C15orf40: variants seen among roughly 807,000 people sequenced by gnomAD.
The protein encoded by C15orf40 is chromosome 15 open reading frame 40, also known as UPF0235 protein C15orf40.
In C15orf40, 9 loss-of-function variants were observed where a neutral mutation model predicts 13.9. The observed-to-expected ratio is 0.65, with a 90% CI of 0.39 to 1.13. The LOEUF is 1.13. Among genes scored for constraint, C15orf40 ranks in the 50% most tolerant of loss-of-function variants. The pLI is 0.01. For missense variants in C15orf40, 225 were observed against 188.5 expected (o/e 1.19, Z -1.13); for synonymous variants, 95 against 69.2 (o/e 1.37, Z -1.85).
chr15:82,990,654 A>G (rs747046285), downstream of C15orf40: 529 of 1,530,510 alleles, frequency 3.5e-4, 1 homozygote, highest in South Asian at 4.3e-4. Flanking sequence ...TCAGTAATAA[A>G]GCTGTAAAAT....
At position 83,005,665 on chromosome 15, in the gene C15orf40, T is replaced by G; in HGVS notation, c.394A>C (p.Lys132Gln). The G allele has an allele frequency of 6.2e-7, 1 of 1,612,804 alleles. No individual in the cohort carries two copies. Among genetic ancestry groups the G allele is most frequent in the Non-Finnish European group, 8.5e-7 (1 of 1,179,452 alleles). The change falls in exon 4 of 4, where the codon AAG becomes CAG. Residue 132 changes from lysine to glutamine, a missense_variant. By Grantham distance (53) the Lys-to-Gln change is moderately conservative (BLOSUM62 1). Coordinates refer to ENST00000304177, the MANE Select transcript of C15orf40 (RefSeq NM_144597.3). ...KGGKSREKVV[K>Q]LLASTTPEEI... Reference sequence around the variant, plus strand: ...TCTGGAGTTGTAGAAGCCAAAAGCTTCACCACCTTTTCACGAGATTTACCA... The same window carrying G: ...TCTGGAGTTGTAGAAGCCAAAAGCTGCACCACCTTTTCACGAGATTTACCA...
rs1373849292 is a variant in C15orf40, at chr15:83,000,885, T to G, written c.*4712A>C. ...TGGAATGCAGTGGCATGATCTTGGC[T>G]CACTGCAACCTCTGCCTCCTGGGTT... On this transcript the variant is annotated 3_prime_UTR_variant, in exon 4 of 4. Transcript: ENST00000304177. 6.5e-6 allele frequency: 1 copy of G among 153,946 alleles called. No homozygotes were observed. The highest frequency in any genetic ancestry group is 1.4e-5 in the Non-Finnish European group (1 of 69,608). The allele number at this position is 153,946 out of a possible 1,614,324, so 9.5% of individuals were successfully genotyped here. A position where few individuals can be genotyped will look rare whatever the true frequency, so the allele number is the denominator to read the frequency against.
chr15:83,004,749 T>C lies in C15orf40; in HGVS notation c.*848A>G, dbSNP rs954816833. ...ATGTAAAAAAAAAATTTTTTTTACATTTAAATAAGCATTTAAAAATCTAAG... is the reference window on the plus strand; with the variant it reads ...ATGTAAAAAAAAAATTTTTTTTACACTTAAATAAGCATTTAAAAATCTAAG... On this transcript the variant is annotated 3_prime_UTR_variant, in exon 4 of 4. Transcript: ENST00000304177. The C allele has an allele frequency of 1.8e-5, 18 of 1,017,634 alleles. No homozygotes were observed. Among genetic ancestry groups the C allele is most frequent in the African/African-American group, 1.7e-5 (1 of 58,200 alleles). 63.0% of individuals were successfully genotyped at this position (1,017,634 alleles called of 1,614,324 possible).
At position 83,002,982 on chromosome 15, in the gene C15orf40, T is replaced by C. The variant is rs1367191545; in HGVS notation, c.*2615A>G. The stretch of plus-strand genomic sequence containing the variant: ...ATCTGCCACTATGCCCAGGTAACTT[T>C]TGTATTTTTAGTAGAGACGGGGTTT... On this transcript the variant is annotated 3_prime_UTR_variant, in exon 4 of 4. Coordinates refer to ENST00000304177, the MANE Select transcript of C15orf40 (RefSeq NM_144597.3). The C allele has an allele frequency of 6.6e-6, 1 of 151,972 alleles. No homozygotes were observed. Among genetic ancestry groups the C allele is most frequent in the Non-Finnish European group, 1.5e-5 (1 of 68,020 alleles). 9.4% of individuals were successfully genotyped at this position (151,972 alleles called of 1,614,324 possible).
chr15:83,003,121 C>CTT lies in C15orf40; in HGVS notation c.*2474_*2475dup, dbSNP rs781626119. 891 of 114,468 alleles carry CTT rather than the reference C, an allele frequency of 7.8e-3. 17 individuals are homozygous for CTT. The highest frequency in any genetic ancestry group is 0.017 in the African/African-American group (496 of 29,542). The allele number at this position is 114,468 out of a possible 1,614,324, so 7.1% of individuals were successfully genotyped here. A position where few individuals can be genotyped will look rare whatever the true frequency, so the allele number is the denominator to read the frequency against. On this transcript the variant is annotated 3_prime_UTR_variant, in exon 4 of 4. Transcript: ENST00000304177. ...CAACACGCCTGACCAAAAGTTGATC[C>CTT]TTTTTTTTTTTTTTTTTTTTTGAGA... is the stretch of plus-strand genomic sequence containing the variant.
chr15:83,011,298 G>T (rs377167732), intron 1 of C15orf40, 199 bp downstream of exon 1: 2 of 521,828 alleles, frequency 3.8e-6, no homozygotes, highest in Admixed American at 4.2e-5. Flanking sequence ...CCAGGTGGAC[G>T]GCAGCGCAGC....
Position 83,005,196 on chromosome 15 carries a change from C to T in C15orf40, c.*401G>A, listed in dbSNP as rs2031608703. On this transcript the variant is annotated 3_prime_UTR_variant, in exon 4 of 4. Transcript: ENST00000304177. ...GAATATATACATATATATATGTCCC[C>T]CATGTTCTTCTGTGCATGTAGTATA... 9.7e-7 allele frequency: 1 copy of T among 1,026,806 alleles called. No individual in the cohort carries two copies. Among genetic ancestry groups the T allele is most frequent in the Admixed American group, 5.4e-5 (1 of 18,378 alleles). The allele number at this position is 1,026,806 out of a possible 1,614,324, so 63.6% of individuals were successfully genotyped here. A position where few individuals can be genotyped will look rare whatever the true frequency, so the allele number is the denominator to read the frequency against.
At chr15:83,008,356 T>G in intron 3 of C15orf40, 192 bp downstream of exon 3, 2 of 517,024 alleles carry the variant, frequency 3.9e-6, no homozygotes, top group Non-Finnish European at 6.8e-6. Context: ...CCGTCTCTAT[T>G]AAAAATACAA....
chr15:82,991,860 A>C (rs183213648), downstream of C15orf40: 5 of 1,275,870 alleles, frequency 3.9e-6, no homozygotes, highest in Middle Eastern at 4.3e-4. Flanking sequence ...ACAGATATTT[A>C]GTCTAGATAG....
chr15:82,989,085 G>C (rs751845546), downstream of C15orf40: 2 of 1,613,854 alleles, frequency 1.2e-6, no homozygotes, highest in Admixed American at 3.3e-5. Flanking sequence ...CACAGAAAAT[G>C]ACAAGGAGTA....
chr15:82,989,048 G>T (rs61738562), downstream of C15orf40: 37,026 of 1,612,868 alleles, frequency 0.023, 867 homozygotes, highest in African/African-American at 0.13. Context: ...CTGTTCCAAA[G>T]TTTGAAGAGA....
intron 3 of C15orf40, 119 bp downstream of exon 3, chr15:83,008,429 G>A (rs774060359): frequency 9.9e-7 from 1 of 1,010,316 alleles, no homozygotes; most frequent in South Asian, 1.3e-5. Context: ...TGAGGCAGGA[G>A]AATAGCTTGA....
Position 83,004,215 on chromosome 15 carries a change from T to C in C15orf40, c.*1382A>G, listed in dbSNP as rs1312836237. ...GGTCTCAAACTCCTGGGCTCAAGTG[T>C]TCCTCCTGCCTCAACCTTCCAAAGC... On this transcript the variant is annotated 3_prime_UTR_variant, in exon 4 of 4. Coordinates refer to ENST00000304177, the MANE Select transcript of C15orf40 (RefSeq NM_144597.3). 2.2e-5 allele frequency: 13 copies of C among 585,784 alleles called. No individual in the cohort carries two copies. The highest frequency in any genetic ancestry group is 4.1e-5 in the African/African-American group (2 of 49,320). 36.3% of individuals were successfully genotyped at this position (585,784 alleles called of 1,614,324 possible).
In C15orf40 at chr15:82,998,222, C is replaced by T. The variant is rs1183451408; in HGVS notation, c.*7375G>A. On this transcript the variant is annotated 3_prime_UTR_variant, in exon 4 of 4. Coordinates refer to ENST00000304177, the MANE Select transcript of C15orf40 (RefSeq NM_144597.3). ...CACGGCTGGCCAGGCGGGGGGCTGA[C>T]CCCCCCACCTCCCTCCCGGATGGGG... is the stretch of plus-strand genomic sequence containing the variant. 6.6e-6 allele frequency: 1 copy of T among 150,430 alleles called. No individual in the cohort carries two copies. The highest frequency in any genetic ancestry group is 2.6e-5 in the African/African-American group (1 of 38,148). 9.3% of individuals were successfully genotyped at this position (150,430 alleles called of 1,614,324 possible).
downstream of C15orf40, chr15:82,989,220 T>A: frequency 6.2e-7 from 1 of 1,605,840 alleles, no homozygotes; most frequent in Admixed American, 1.7e-5. Flanking sequence ...TGCAGATAGT[T>A]GATCTGGCAG....
At position 83,001,435 on chromosome 15, in the gene C15orf40, A is replaced by C. The variant is rs2031413393; in HGVS notation, c.*4162T>G. The C allele has an allele frequency of 4.9e-6, 2 of 411,892 alleles. No individual in the cohort carries two copies. Among genetic ancestry groups the C allele is most frequent in the South Asian group, 2.1e-4 (2 of 9,354 alleles). 25.5% of individuals were successfully genotyped at this position (411,892 alleles called of 1,614,324 possible). On this transcript the variant is annotated 3_prime_UTR_variant, in exon 4 of 4. Transcript: ENST00000304177. The stretch of plus-strand genomic sequence containing the variant: ...GAACATCATATGTCGGCATAGTTGG[A>C]TAAATATTTTTCAAACCTTATTCAT...
Position 82,997,700 on chromosome 15 carries a change from T to A in C15orf40, c.*7897A>T, listed in dbSNP as rs1465417372. The A allele has an allele frequency of 1.6e-5, 3 of 193,020 alleles. No individual in the cohort carries two copies. Among genetic ancestry groups the A allele is most frequent in the Non-Finnish European group, 3.2e-5 (3 of 93,966 alleles). The allele number at this position is 193,020 out of a possible 1,614,324, so 12.0% of individuals were successfully genotyped here. ...AGCCGCCATTGTCATCCTGGCCCGT[T>A]CTCAATGAGCTGTTGGGCACACCTC... On this transcript the variant is annotated 3_prime_UTR_variant, in exon 4 of 4. Coordinates refer to ENST00000304177, the MANE Select transcript of C15orf40 (RefSeq NM_144597.3).
rs11388099 is a variant in C15orf40 at position 82,997,220 on chromosome 15, A to AT, written c.*8376dup. 84,798 of 145,358 alleles carry AT rather than the reference A, an allele frequency of 0.58. 25,825 individuals are homozygous for AT. The highest frequency in any genetic ancestry group is 0.76 in the African/African-American group (29,888 of 39,326). The allele number at this position is 145,358 out of a possible 1,614,324, so 9.0% of individuals were successfully genotyped here. Reference sequence around the variant, plus strand: ...TTTTCATTTTTATTTATTTATTTTTATTTTTTTTTAATTTATTTTTTTATT... The same window carrying AT: ...TTTTCATTTTTATTTATTTATTTTTATTTTTTTTTTAATTTATTTTTTTATT... On this transcript the variant is annotated 3_prime_UTR_variant, in exon 4 of 4. Transcript: ENST00000304177.
intron 2 of C15orf40, 108 bp downstream of exon 2, chr15:83,010,129 T>C (rs949275357): frequency 2.1e-6 from 3 of 1,417,878 alleles, no homozygotes; most frequent in Non-Finnish European, 2.9e-6. Context: ...TAACTGCAGA[T>C]GTGAAAAATC....
Sources: gnomAD v4.1 joint callset for allele counts on GRCh38, gnomAD v4.1.1 for gene constraint, MANE v1.5 for transcripts, NCBI Gene and HGNC (gene_info 2026-07-23, HGNC 2026-07-21) for gene names.